The following ZMAT4 variants were observed in gnomAD, a reference collection of about 807,000 sequenced individuals.
The protein encoded by ZMAT4 is zinc finger matrin-type 4.
Under a neutral mutation model 28.7 loss-of-function variants are expected in ZMAT4, and 17 were observed. The ratio of observed to expected loss-of-function variants is 0.59; its 90% CI spans 0.41 to 0.89. The LOEUF (loss-of-function observed/expected upper bound fraction) is 0.89, where lower values mean the gene tolerates loss of function less well. Among genes scored for constraint, ZMAT4 ranks in the 40% least tolerant of loss-of-function variants. ZMAT4 has a pLI of 0.00. For missense variants in ZMAT4, 240 were observed against 283.8 expected (o/e 0.85, Z 1.11); for synonymous variants, 117 against 109.2 (o/e 1.07, Z -0.44).
chr8:40,562,978 T>G (rs1015451511), intron 6 of ZMAT4, among the ~76,000 whole-genome samples: 1 of 152,168 alleles, frequency 6.6e-6, no homozygotes, highest in Non-Finnish European at 1.5e-5. Context: ...AAGTTCCTCT[T>G]ACTGTACACA....
intron 2 of ZMAT4, among the ~76,000 whole-genome samples, chr8:40,802,628 C>A (rs999241149): frequency 1.3e-5 from 2 of 152,140 alleles, no homozygotes; most frequent in African/African-American, 4.8e-5. Context: ...GTCAAGGCAT[C>A]AGTTCTTCCC....
intron 3 of ZMAT4, among the ~76,000 whole-genome samples, chr8:40,744,656 C>T (rs1202009770): frequency 6.6e-5 from 10 of 152,088 alleles, no homozygotes; most frequent in Non-Finnish European, 1.5e-5. Flanking sequence ...ACACCCACCC[C>T]AGGTATTAGG....
chr8:40,832,457 G>A (rs1048931817), intron 1 of ZMAT4, among the ~76,000 whole-genome samples: 13 of 152,078 alleles, frequency 8.5e-5, no homozygotes, highest in South Asian at 4.2e-4. Flanking sequence ...CTGACACCTC[G>A]AAAAGCCGCT....
intron 3 of ZMAT4, among the ~76,000 whole-genome samples, chr8:40,761,070 AG>A (rs541568359): frequency 1.3e-3 from 196 of 148,856 alleles, no homozygotes; most frequent in African/African-American, 4.6e-3. Context: ...GCAGTGGGGC[AG>A]GGGGGGATAA....
intron 3 of ZMAT4, among the ~76,000 whole-genome samples, chr8:40,707,877 C>T (rs1327085646): frequency 2.0e-5 from 3 of 152,086 alleles, no homozygotes; most frequent in Admixed American, 1.3e-4. Flanking sequence ...ATAATAGGAC[C>T]TGCCATAGAC....
At chr8:40,864,301 T>C (rs1350167583) in intron 1 of ZMAT4, among the ~76,000 whole-genome samples, 2 of 152,258 alleles carry the variant, frequency 1.3e-5, no homozygotes, top group Non-Finnish European at 2.9e-5. Context: ...ATGCTGGATG[T>C]ACACCCTCAG....
intron 1 of ZMAT4, among the ~76,000 whole-genome samples, chr8:40,830,084 T>G (rs1816224116): frequency 6.6e-6 from 1 of 152,176 alleles, no homozygotes; most frequent in Non-Finnish European, 1.5e-5. Flanking sequence ...ATATGAAACC[T>G]TCCTTTCTGC....
intron 5 of ZMAT4, among the ~76,000 whole-genome samples, chr8:40,583,223 A>C (rs1235634007): frequency 6.6e-6 from 1 of 152,144 alleles, no homozygotes; most frequent in Middle Eastern, 3.2e-3. Flanking sequence ...ATCACCTGCA[A>C]GATCCAAATG....
At chr8:40,871,414 A>C (rs964058106) in intron 1 of ZMAT4, among the ~76,000 whole-genome samples, 6 of 152,316 alleles carry the variant, frequency 3.9e-5, no homozygotes, top group African/African-American at 1.4e-4. Context: ...TGGAGAAAAT[A>C]GACACAATAA....
chr8:40,559,110 T>G (rs1803645329), intron 6 of ZMAT4, among the ~76,000 whole-genome samples: 1 of 152,138 alleles, frequency 6.6e-6, no homozygotes, highest in African/African-American at 2.4e-5. Flanking sequence ...CAATTGCAGC[T>G]CGCCCACCAC....
chr8:40,871,049 C>A (rs1241049494), intron 1 of ZMAT4, among the ~76,000 whole-genome samples: 1 of 152,116 alleles, frequency 6.6e-6, no homozygotes, highest in African/African-American at 2.4e-5. Context: ...ACGAATGAGA[C>A]CATTCACTTG....
intron 1 of ZMAT4, among the ~76,000 whole-genome samples, chr8:40,894,030 G>T (rs569975197): frequency 6.6e-6 from 1 of 152,322 alleles, no homozygotes; most frequent in Admixed American, 6.5e-5. Context: ...AACAGATTTA[G>T]GGGTGAGAAC....
At chr8:40,759,698 G>A (rs373931788) in intron 3 of ZMAT4, among the ~76,000 whole-genome samples, 26 of 152,198 alleles carry the variant, frequency 1.7e-4, no homozygotes, top group African/African-American at 5.3e-4. Context: ...TCTTGGTCGC[G>A]CCCCACCCAC....
intron 2 of ZMAT4, among the ~76,000 whole-genome samples, chr8:40,802,630 G>T (rs183944733): frequency 1.3e-5 from 2 of 152,198 alleles, no homozygotes; most frequent in South Asian, 2.1e-4. Context: ...CAAGGCATCA[G>T]TTCTTCCCAA....
intron 5 of ZMAT4, among the ~76,000 whole-genome samples, chr8:40,658,619 TACACACACACACACACACACACACAC>T (rs3038825): frequency 1.4e-5 from 2 of 145,504 alleles, no homozygotes; most frequent in Non-Finnish European, 3.0e-5. Context: ...GTTAGACACA[TACACACACACACACACACACACACAC>T]ACACACACAC....
At chr8:40,561,580 C>T (rs568994338) in intron 6 of ZMAT4, among the ~76,000 whole-genome samples, 1 of 152,178 alleles carries the variant, frequency 6.6e-6, no homozygotes, top group African/African-American at 2.4e-5. Context: ...CTCTTCCCCA[C>T]CCAAAATCTC....
chr8:40,678,356 T>C (rs1015070331), intron 4 of ZMAT4, among the ~76,000 whole-genome samples: 2 of 152,176 alleles, frequency 1.3e-5, no homozygotes, highest in African/African-American at 4.8e-5. Flanking sequence ...TTAATATTGG[T>C]AAAGTTAGAT....
intron 5 of ZMAT4, among the ~76,000 whole-genome samples, chr8:40,647,505 G>T (rs1315143474): frequency 6.6e-6 from 1 of 151,224 alleles, no homozygotes; most frequent in African/African-American, 2.4e-5. Flanking sequence ...GGGGAGGGGC[G>T]CCCACCATTG....
intron 1 of ZMAT4, among the ~76,000 whole-genome samples, chr8:40,837,784 C>T (rs1816549754): frequency 6.6e-6 from 1 of 152,190 alleles, no homozygotes; most frequent in Admixed American, 6.5e-5. Context: ...AGCAGAGTAT[C>T]ATCGCAGGAC....
Sources: gnomAD v4.1 joint callset for allele counts (sites outside exome capture counted in the v4.1 genomes callset) on GRCh38, gnomAD v4.1.1 for gene constraint, MANE v1.5 for transcripts, NCBI Gene and HGNC (gene_info 2026-07-23, HGNC 2026-07-21) for gene names.